The following YAP1 variants were observed in gnomAD, a reference collection of about 807,000 sequenced individuals.
YAP1 encodes transcriptional coactivator YAP1.
A neutral mutation model predicts 56.9 loss-of-function variants in YAP1; 5 were observed. The observed-to-expected ratio is 0.09, with a 90% CI of 0.05 to 0.18. YAP1 has a LOEUF of 0.18. Ranked by LOEUF, YAP1 falls within the 10% of genes least tolerant of loss-of-function variation. YAP1 has a pLI of 1.00. For missense variants in YAP1, 539 were observed against 651.8 expected, an observed-to-expected ratio of 0.83 and a Z score of 1.88; for synonymous variants, 265 against 248.1, an observed-to-expected ratio of 1.07 and a Z score of -0.64.
At chr11:102,177,066 A>C (rs1486082772) in intron 3 of YAP1, among the ~76,000 whole-genome samples, 1 of 152,132 alleles carries the variant, frequency 6.6e-6, no homozygotes, top group Non-Finnish European at 1.5e-5. Flanking sequence ...TTAGCTAAGC[A>C]AAGAAGGTAG....
At chr11:102,194,948 G>A (rs941405249) in intron 4 of YAP1, among the ~76,000 whole-genome samples, 5 of 151,916 alleles carry the variant, frequency 3.3e-5, no homozygotes, top group Admixed American at 2.6e-4. Flanking sequence ...TTTAGAGACG[G>A]TGTATCTCTG....
intron 3 of YAP1, among the ~76,000 whole-genome samples, chr11:102,183,702 CTGTGTG>C (rs140546191): frequency 3.7e-4 from 52 of 141,804 alleles, no homozygotes; most frequent in Admixed American, 1.3e-3. Flanking sequence ...AATGCTGTTT[CTGTGTG>C]TGTGTGTGTG....
chr11:102,195,796 T>C (rs1948544512), intron 4 of YAP1, among the ~76,000 whole-genome samples: 1 of 152,224 alleles, frequency 6.6e-6, no homozygotes, highest in Non-Finnish European at 1.5e-5. Flanking sequence ...TTACCCAGTC[T>C]TGGGTATGTC....
At chr11:102,190,137 A>G (rs1240344110) in intron 4 of YAP1, among the ~76,000 whole-genome samples, 4 of 152,184 alleles carry the variant, frequency 2.6e-5, no homozygotes, top group Non-Finnish European at 4.4e-5. Context: ...AAGTCTCTTG[A>G]TAGCTGTATG....
rs1461305696 is a variant in YAP1 at position 102,110,819 on chromosome 11, AG to A, written c.-25del. ...GGCGTAGCCCTCGCTCGCCTGGGTC[AG>A]GGGGTGCGCGTCGGGGGAGGCAGAA... On this transcript the variant is annotated 5_prime_UTR_variant, in exon 1 of 9. Coordinates refer to ENST00000282441, the MANE Select transcript of YAP1 (RefSeq NM_001130145.3). The A allele has an allele frequency of 5.1e-6, 7 of 1,368,334 alleles. No homozygotes were observed. Among genetic ancestry groups the A allele is most frequent in the Admixed American group, 3.1e-5 (1 of 31,900 alleles). The allele number at this position is 1,368,334 out of a possible 1,614,324, so 84.8% of individuals were successfully genotyped here.
chr11:102,165,068 G>A (rs1190536870), intron 3 of YAP1, among the ~76,000 whole-genome samples: 1 of 152,026 alleles, frequency 6.6e-6, no homozygotes, highest in Non-Finnish European at 1.5e-5. Flanking sequence ...TATTTCAGCT[G>A]TATGTCCTGG....
intron 6 of YAP1, among the ~76,000 whole-genome samples, chr11:102,220,136 A>G (rs937598095): frequency 3.3e-5 from 5 of 151,960 alleles, no homozygotes; most frequent in Admixed American, 6.5e-5. Flanking sequence ...TGGGAGGCCA[A>G]TCGCTTGAGC....
intron 2 of YAP1, among the ~76,000 whole-genome samples, chr11:102,122,394 C>T (rs559052235): frequency 6.7e-6 from 1 of 150,320 alleles, no homozygotes; most frequent in East Asian, 2.0e-4. Context: ...CACTGCACTA[C>T]AGCCTGGGCA....
At chr11:102,129,884 C>T (rs1209807903) in intron 2 of YAP1, among the ~76,000 whole-genome samples, 1 of 148,932 alleles carries the variant, frequency 6.7e-6, no homozygotes, top group Non-Finnish European at 1.5e-5. Flanking sequence ...CTCACTGCAA[C>T]CTCCGCCTCC....
intron 4 of YAP1, among the ~76,000 whole-genome samples, chr11:102,196,222 C>T (rs1347775191): frequency 1.3e-5 from 2 of 151,904 alleles, no homozygotes; most frequent in African/African-American, 4.8e-5. Flanking sequence ...CGTATGTCTC[C>T]ACGTTGTGGG....
intron 3 of YAP1, among the ~76,000 whole-genome samples, chr11:102,170,611 A>C (rs909262487): frequency 3.9e-5 from 6 of 152,202 alleles, no homozygotes; most frequent in African/African-American, 1.4e-4. Context: ...TAAAAAATTT[A>C]CTAGAAGCCT....
chr11:102,110,775 C>T lies in YAP1; in HGVS notation c.-74C>T. 2 of 1,235,548 alleles carry T rather than the reference C, an allele frequency of 1.6e-6. No homozygotes were observed. Among genetic ancestry groups the T allele is most frequent in the Non-Finnish European group, 2.0e-6 (2 of 986,188 alleles). The allele number at this position is 1,235,548 out of a possible 1,614,324, so 76.5% of individuals were successfully genotyped here. On this transcript the variant is annotated 5_prime_UTR_variant, in exon 1 of 9. Coordinates refer to ENST00000282441, the MANE Select transcript of YAP1 (RefSeq NM_001130145.3). ...CCGTCGCCGCTTCTCCACCTCGGCC[C>T]GTGGAGCCGGGGCGTCCGGGCGTAG... is the stretch of plus-strand genomic sequence containing the variant.
chr11:102,127,542 C>T (rs190772346), intron 2 of YAP1, among the ~76,000 whole-genome samples: 18 of 152,322 alleles, frequency 1.2e-4, no homozygotes, highest in African/African-American at 4.3e-4. Flanking sequence ...CATGGAAATG[C>T]CTGGATGTGT....
At chr11:102,157,369 G>GC (rs1462014986) in intron 2 of YAP1, among the ~76,000 whole-genome samples, 1 of 152,152 alleles carries the variant, frequency 6.6e-6, no homozygotes, top group African/African-American at 2.4e-5. Flanking sequence ...AGTCAGTTAA[G>GC]CGTGTAGGTT....
At chr11:102,223,878 C>G (rs1375211045) in intron 7 of YAP1, 126 bp downstream of exon 7, 3 of 1,265,844 alleles carry the variant, frequency 2.4e-6, no homozygotes, top group Non-Finnish European at 3.3e-6. Flanking sequence ...GTAAATGAAT[C>G]TCTCTGTAAA....
At position 102,145,520 on chromosome 11, in the gene YAP1, A is replaced by T. The variant is rs148744976; in HGVS notation, c.573-16936A>T. On this transcript the variant is annotated intron_variant, in intron 2 of 8. Coordinates refer to ENST00000282441, the MANE Select transcript of YAP1 (RefSeq NM_001130145.3). ...TAATGTTAAATGTAACCAATTTGAT[A>T]AGAAACCTATAATAATTGTATCATC... Among the ~76,000 whole-genome samples, 82 of 152,352 alleles carry T rather than the reference A, an allele frequency of 5.4e-4. No individual in the cohort carries two copies. The East Asian group carries it at 0.015, about 28-fold the overall frequency.
chr11:102,114,854 C>T (rs1943178437), intron 2 of YAP1, among the ~76,000 whole-genome samples: 1 of 152,074 alleles, frequency 6.6e-6, no homozygotes, highest in African/African-American at 2.4e-5. Context: ...TTGGGGGAGT[C>T]TAATTTTACA....
At chr11:102,173,104 C>T (rs1947014649) in intron 3 of YAP1, among the ~76,000 whole-genome samples, 1 of 152,060 alleles carries the variant, frequency 6.6e-6, no homozygotes, top group Non-Finnish European at 1.5e-5. Context: ...AGAGGATGAC[C>T]AAAGTGGTGG....
chr11:102,161,912 T>C (rs144704292), intron 2 of YAP1, among the ~76,000 whole-genome samples: 125 of 152,320 alleles, frequency 8.2e-4, no homozygotes, highest in African/African-American at 2.9e-3. Context: ...TGTAAGAACA[T>C]GTTATTCAGG....
Sources: gnomAD v4.1 joint callset for allele counts (sites outside exome capture counted in the v4.1 genomes callset) on GRCh38, gnomAD v4.1.1 for gene constraint, MANE v1.5 for transcripts, NCBI Gene and HGNC (gene_info 2026-07-23, HGNC 2026-07-21) for gene names.